Variants in MED25 observed in about 807,000 individuals in gnomAD.
The protein encoded by MED25 is mediator complex subunit 25.
A neutral mutation model predicts 89.4 loss-of-function variants in MED25; 62 were observed. That is an observed-to-expected ratio of 0.69 (90% CI 0.57 to 0.86). The LOEUF is 0.86. MED25 is among the 40% of genes least tolerant of loss of function. The probability of loss-of-function intolerance (pLI) is 0.00; values close to 1 mark genes in which losing one functional copy is unlikely to be tolerated. For missense variants in MED25, 905 were observed against 1,005.2 expected (o/e 0.90, Z 1.35); for synonymous variants, 449 against 427.9 (o/e 1.05, Z -0.61).
chr19:49,826,115 T>A (rs979450536), intron 3 of MED25, among the ~76,000 whole-genome samples: 1 of 151,050 alleles, frequency 6.6e-6, no homozygotes, highest in Admixed American at 6.6e-5. Flanking sequence ...CCGAGGCGGG[T>A]GGATCATAAG....
intron 3 of MED25, chr19:49,819,502 G>C: frequency 1.7e-6 from 1 of 597,386 alleles, no homozygotes; most frequent in Non-Finnish European, 3.0e-6. Context: ...CGATGGCTTG[G>C]GTTTGAGCTG....
Position 49,830,828 on chromosome 19 carries a change from T to G in MED25, c.1042T>G (p.Ser348Ala). ...PPPASQPSLV[S>A]TVAPGSGLAP... Reference sequence around the variant, plus strand: ...ACCTGCTTCCCAGCCCAGTCTGGTCTCCACTGTGGCCCCTGGCTCCGGCCT... The same window carrying G: ...ACCTGCTTCCCAGCCCAGTCTGGTCGCCACTGTGGCCCCTGGCTCCGGCCT... Residue 348 changes from serine (S) to alanine (A), a missense_variant, in exon 9 of 18, where the codon TCC (serine) becomes GCC (alanine). Ser to Ala is a moderately conservative substitution (Grantham distance 99). Coordinates refer to ENST00000312865, the MANE Select transcript of MED25 (RefSeq NM_030973.4). This position sits in a 1 kb window ranked among gnomAD's most constrained non-coding sequence, Gnocchi z 4.6. 3 of 1,613,194 alleles carry G rather than the reference T, an allele frequency of 1.9e-6. No individual in the cohort carries two copies. Among genetic ancestry groups the G allele is most frequent in the Middle Eastern group, 3.3e-4 (2 of 6,058 alleles).
In MED25 at chr19:49,835,016, C is replaced by A; in HGVS notation, c.1513C>A (p.Pro505Thr). The change falls in exon 14 of 18, where the codon CCC becomes ACC. Residue 505 changes from proline (P) to threonine (T), a missense_variant. Transcript: ENST00000312865. This position sits in a 1 kb window ranked among gnomAD's most constrained non-coding sequence, Gnocchi z 6.2. ...AGCVHFPHTA[P>T]CEVRVLMLLY... The stretch of plus-strand genomic sequence containing the variant: ...CTGCGTGCACTTCCCCCACACGGCG[C>A]CCTGTGAGGTGCGCGTGCTCATGCT... 1 of 1,614,120 alleles carries A rather than the reference C, an allele frequency of 6.2e-7. No homozygotes were observed. Among genetic ancestry groups the A allele is most frequent in the Non-Finnish European group, 8.5e-7 (1 of 1,180,024 alleles).
chr19:49,827,926 A>C (rs1478425058), intron 3 of MED25, among the ~76,000 whole-genome samples: 1 of 152,050 alleles, frequency 6.6e-6, no homozygotes, highest in Non-Finnish European at 1.5e-5. Flanking sequence ...CCCAGTCCTC[A>C]TGATTAAAGA....
chr19:49,830,613 G>A lies in MED25; in HGVS notation c.907+15G>A, dbSNP rs1472217381. The stretch of plus-strand genomic sequence containing the variant: ...GGGCCCTCGCTGTGAGTCCTGGAGT[G>A]AGGATGAAGGGCGGGCAGGGGCCAG... On this transcript the variant is annotated intron_variant, in intron 8 of 17. Transcript: ENST00000312865. This position sits in a 1 kb window ranked among gnomAD's most constrained non-coding sequence, Gnocchi z 4.6. The A allele has an allele frequency of 6.2e-7, 1 of 1,614,008 alleles. No homozygotes were observed. The highest frequency in any genetic ancestry group is 8.5e-7 in the Non-Finnish European group (1 of 1,179,880).
At chr19:49,822,664 T>G (rs2073991308) in intron 3 of MED25, among the ~76,000 whole-genome samples, 1 of 145,130 alleles carries the variant, frequency 6.9e-6, no homozygotes, top group Non-Finnish European at 1.5e-5. Flanking sequence ...TTTTTTTTTT[T>G]TGAGACAGAG....
In MED25 at chr19:49,829,828, G is replaced by A; in HGVS notation, c.568G>A (p.Ala190Thr). Residue 190 changes from alanine to threonine, a missense_variant, in exon 6 of 18, where the codon GCG (alanine) becomes ACG (threonine). By Grantham distance (58) the Ala-to-Thr change is moderately conservative (BLOSUM62 0). Around this residue, in one of 3 missense-constraint regions of MED25, gnomAD observed 501 missense variants for 526.9 expected, o/e 0.95. Coordinates refer to ENST00000312865, the MANE Select transcript of MED25 (RefSeq NM_030973.4). The surrounding 1 kb of genome is among the most constrained non-coding windows in gnomAD (Gnocchi z 4.6). ...CATTGTGTCTCCCCGGAAGCTGCCT[G>A]CGCTTCGGCTTCTGTTTGAGAAGGC... ...FSIVSPRKLP[A>T]LRLLFEKAAP... 1 of 1,608,420 alleles carries A rather than the reference G, an allele frequency of 6.2e-7. No individual in the cohort carries two copies. The highest frequency in any genetic ancestry group is 1.3e-5 in the African/African-American group (1 of 74,932).
chr19:49,820,602 A>G (rs548456372), intron 3 of MED25, among the ~76,000 whole-genome samples: 2 of 152,342 alleles, frequency 1.3e-5, no homozygotes, highest in Admixed American at 1.3e-4. Context: ...TCTTCTCTCT[A>G]TGTTGAGGGA....
Position 49,831,217 on chromosome 19 carries a change from G to A in MED25, c.1102-116G>A. ...TGCGGCTGGCCAAGTGCTGTTCTGG[G>A]GATGGAGGGGCAGAAGAAGGGATCT... On this transcript the variant is annotated intron_variant, in intron 9 of 17. Transcript: ENST00000312865. The surrounding 1 kb of genome is among the most constrained non-coding windows in gnomAD (Gnocchi z 5.0). 17 of 1,180,424 alleles carry A rather than the reference G, an allele frequency of 1.4e-5. No homozygotes were observed. Among genetic ancestry groups the A allele is most frequent in the Non-Finnish European group, 1.9e-5 (16 of 839,566 alleles). The allele number at this position is 1,180,424 out of a possible 1,614,324, so 73.1% of individuals were successfully genotyped here.
rs2074038306 is a variant in MED25, at chr19:49,829,530, C to CG, written c.526-254dup. 6.6e-6 allele frequency among the ~76,000 whole-genome samples: 1 copy of CG among 152,200 alleles called. No individual in the cohort carries two copies. Among genetic ancestry groups the CG allele is most frequent in the Non-Finnish European group, 1.5e-5 (1 of 68,036 alleles). ...CTGGCCTCATGTGATCTGCCTGACT[C>CG]GGTCTCACAAAATCCTGGGATTACA... is the stretch of plus-strand genomic sequence containing the variant. On this transcript the variant is annotated intron_variant, in intron 5 of 17. Coordinates refer to ENST00000312865, the MANE Select transcript of MED25 (RefSeq NM_030973.4). This position sits in a 1 kb window ranked among gnomAD's most constrained non-coding sequence, Gnocchi z 4.6.
At position 49,836,029 on chromosome 19, in the gene MED25, A is replaced by C. The variant is rs558995896; in HGVS notation, c.1965+84A>C. The stretch of plus-strand genomic sequence containing the variant: ...CTGTTGTCTGGGAGGAGGGAGGTTG[A>C]CTGTGGTCAGTGGGTGTGAATGGGG... On this transcript the variant is annotated intron_variant, in intron 16 of 17. Coordinates refer to ENST00000312865, the MANE Select transcript of MED25 (RefSeq NM_030973.4). The surrounding 1 kb of genome is among the most constrained non-coding windows in gnomAD (Gnocchi z 5.1). The C allele has an allele frequency of 3.8e-6, 6 of 1,567,234 alleles. No individual in the cohort carries two copies. The East Asian group carries it at 9.6e-5, about 25-fold the overall frequency.
At position 49,818,632 on chromosome 19, in the gene MED25, C is replaced by A; in HGVS notation, c.180+16C>A. 1 of 1,612,416 alleles carries A rather than the reference C, an allele frequency of 6.2e-7. No homozygotes were observed. Among genetic ancestry groups the A allele is most frequent in the Non-Finnish European group, 8.5e-7 (1 of 1,178,650 alleles). On this transcript the variant is annotated intron_variant, in intron 2 of 17. Transcript: ENST00000312865. ...CGGGGGAGACGTGAGTCTAGGGACT[C>A]CTGGGCCTGAGGGAGGAGGGGCCGG...
chr19:49,837,626 T>G (rs534222624), downstream of MED25, among the ~76,000 whole-genome samples: 21 of 152,044 alleles, frequency 1.4e-4, no homozygotes, highest in East Asian at 3.9e-4. Flanking sequence ...GGTGGCGGTG[T>G]CGGGGGCTGG....
intron 13 of MED25, chr19:49,832,917 C>T (rs2074069278): frequency 4.5e-6 from 1 of 219,852 alleles, no homozygotes; most frequent in African/African-American, 2.3e-5. Flanking sequence ...CTCCATCCCG[C>T]AGCTGTCTTC....
At position 49,818,527 on chromosome 19, in the gene MED25, C is replaced by G. The variant is rs768532361; in HGVS notation, c.135-44C>G. ...CCCGCCCTCCCACTTCAGTTTCGCA[C>G]AGTTTCTTGCCTGACTCCGACCTTT... On this transcript the variant is annotated intron_variant, in intron 1 of 17. Transcript: ENST00000312865. The G allele has an allele frequency of 2.7e-5, 44 of 1,614,056 alleles. No individual in the cohort carries two copies. The East Asian group carries it at 8.5e-4, about 31-fold the overall frequency.
At chr19:49,820,369 AC>A (rs1281342004) in intron 3 of MED25, among the ~76,000 whole-genome samples, 4 of 152,238 alleles carry the variant, frequency 2.6e-5, no homozygotes, top group Admixed American at 6.5e-5. Context: ...CAGGTTTATA[AC>A]TCAGGATTGC....
In MED25 at chr19:49,819,268, G is replaced by A; in HGVS notation, c.277G>A (p.Glu93Lys). 3.1e-6 allele frequency: 5 copies of A among 1,614,218 alleles called. No individual in the cohort carries two copies. Among genetic ancestry groups the A allele is most frequent in the Non-Finnish European group, 2.5e-6 (3 of 1,180,038 alleles). The change falls in exon 3 of 18, where the codon GAG becomes AAG. Residue 93 changes from glutamate (E) to lysine (K), a missense_variant. Coordinates refer to ENST00000312865, the MANE Select transcript of MED25 (RefSeq NM_030973.4). Reference sequence around the variant, plus strand: ...TCACGCTCCCACCAGCAGCGCCTATGAGTTTGTCACCTGGCTCGATGGCAT... The same window carrying A: ...TCACGCTCCCACCAGCAGCGCCTATAAGTTTGTCACCTGGCTCGATGGCAT... ...QCHAPTSSAY[E>K]FVTWLDGIKF...
chr19:49,837,858 T>C (rs1290948299), downstream of MED25, among the ~76,000 whole-genome samples: 2 of 152,186 alleles, frequency 1.3e-5, no homozygotes, highest in African/African-American at 4.8e-5. Flanking sequence ...CCTGGGTCCA[T>C]GTCAGAGACT....
At chr19:49,823,701 A>C (rs886393862) in intron 3 of MED25, among the ~76,000 whole-genome samples, 1 of 152,148 alleles carries the variant, frequency 6.6e-6, no homozygotes, top group Non-Finnish European at 1.5e-5. Flanking sequence ...TGTGCGTGCA[A>C]GTGCTGGGTG....
Sources: gnomAD v4.1 joint callset for allele counts (sites outside exome capture counted in the v4.1 genomes callset) on GRCh38, gnomAD v4.1.1 for gene constraint, gnomAD v4.1.1 regional missense constraint, Gnocchi (gnomAD v3.1) non-coding constraint, MANE v1.5 for transcripts, NCBI Gene and HGNC (gene_info 2026-07-23, HGNC 2026-07-21) for gene names.